The following DCLRE1C variants were observed in gnomAD, a reference collection of about 807,000 sequenced individuals.
DCLRE1C encodes DNA cross-link repair 1C, also known as protein artemis.
In DCLRE1C, 47 loss-of-function variants were observed where a neutral mutation model predicts 61.4. That is an observed-to-expected ratio of 0.77 (90% CI 0.61 to 0.98). The LOEUF (loss-of-function observed/expected upper bound fraction) is 0.98, where lower values mean the gene tolerates loss of function less well. Ranked by LOEUF, DCLRE1C falls within the 50% of genes least tolerant of loss-of-function variation. The pLI is 0.00. For synonymous variants in DCLRE1C, 337 were observed against 287.6 expected (o/e 1.17, Z -1.74); for missense variants, 858 against 816.0 (o/e 1.05, Z -0.63).
At chr10:14,951,341 G>A (rs1173625170) in intron 1 of DCLRE1C, among the ~76,000 whole-genome samples, 3 of 132,020 alleles carry the variant, frequency 2.3e-5, no homozygotes, top group Non-Finnish European at 4.6e-5. Flanking sequence ...AGTGAGCCGA[G>A]ATCGCACCAC....
chr10:14,936,054 C>T (rs999436086), intron 5 of DCLRE1C, among the ~76,000 whole-genome samples: 27 of 152,118 alleles, frequency 1.8e-4, no homozygotes, highest in Admixed American at 7.2e-4. Context: ...CCACCACACC[C>T]GGCTAATGTT....
intron 1 of DCLRE1C, among the ~76,000 whole-genome samples, chr10:14,950,107 G>A (rs956052158): frequency 2.0e-5 from 3 of 152,044 alleles, no homozygotes; most frequent in Admixed American, 1.3e-4. Flanking sequence ...TTGGGAGGCC[G>A]AGGCAGGCGG....
At chr10:14,950,867 G>C (rs1464726897) in intron 1 of DCLRE1C, among the ~76,000 whole-genome samples, 1 of 152,168 alleles carries the variant, frequency 6.6e-6, no homozygotes, top group African/African-American at 2.4e-5. Context: ...TTTCCAGGGA[G>C]GTTTTCCTTT....
chr10:14,908,074 G>A lies in DCLRE1C; in HGVS notation c.*334C>T, dbSNP rs917865417. Reference sequence around the variant, plus strand: ...TTGCTCTGTCACCCAGACTAGAGGTGCAGTGGCACAGTCATGGCTCACTGC... The same window carrying A: ...TTGCTCTGTCACCCAGACTAGAGGTACAGTGGCACAGTCATGGCTCACTGC... On this transcript the variant is annotated 3_prime_UTR_variant, in exon 14 of 14. Coordinates refer to ENST00000378278, the MANE Select transcript of DCLRE1C (RefSeq NM_001033855.3). The A allele has an allele frequency of 4.0e-6, 1 of 252,520 alleles. No homozygotes were observed. The highest frequency in any genetic ancestry group is 2.4e-5 in the African/African-American group (1 of 42,406). 15.6% of individuals were successfully genotyped at this position (252,520 alleles called of 1,614,324 possible).
intron 1 of DCLRE1C, among the ~76,000 whole-genome samples, chr10:14,953,307 C>T (rs1842730533): frequency 6.6e-6 from 1 of 152,188 alleles, no homozygotes; most frequent in African/African-American, 2.4e-5. Context: ...ATCCCTAAAT[C>T]GGCCCAGCTG....
At position 14,908,742 on chromosome 10, in the gene DCLRE1C, A is replaced by T. The variant is rs767843282; in HGVS notation, c.1745T>A (p.Ile582Asn). 5 of 1,614,034 alleles carry T rather than the reference A, an allele frequency of 3.1e-6. No individual in the cohort carries two copies. The African/African-American group carries it at 6.7e-5, about 22-fold the overall frequency. ...GAGAGAGGCAGGAATATTCTCTTTGATTGTTGGTCTGTAGTCAGCTTTGTC... is the reference window on the plus strand; with the variant it reads ...GAGAGAGGCAGGAATATTCTCTTTGTTTGTTGGTCTGTAGTCAGCTTTGTC... ...SLDKADYRPTIKENIPASLME... is the reference protein window; with the variant it reads ...SLDKADYRPTNKENIPASLME... The change falls in exon 14 of 14, where the codon ATC (isoleucine) becomes AAC (asparagine). Residue 582 changes from isoleucine to asparagine, a missense_variant. This residue lies in a region of DCLRE1C where 843 missense variants were observed against 783.5 expected (regional missense o/e 1.08). Transcript: ENST00000378278.
chr10:14,935,857 C>T (rs189440529), intron 5 of DCLRE1C, among the ~76,000 whole-genome samples: 10 of 152,252 alleles, frequency 6.6e-5, no homozygotes, highest in South Asian at 4.1e-4. Context: ...GAGAAATACA[C>T]GTGATGATAA....
intron 12 of DCLRE1C, among the ~76,000 whole-genome samples, chr10:14,922,754 C>T (rs1048002691): frequency 3.9e-5 from 6 of 152,050 alleles, no homozygotes; most frequent in African/African-American, 1.2e-4. Flanking sequence ...TAGTAAGTGG[C>T]GGAGCTGGGT....
intron 2 of DCLRE1C, chr10:14,945,523 C>T: frequency 9.0e-7 from 1 of 1,112,008 alleles, no homozygotes; most frequent in Non-Finnish European, 1.1e-6. Context: ...GGTCCCTCAC[C>T]ATTGTTACTT....
Position 14,908,655 on chromosome 10 carries a change from T to C in DCLRE1C, c.1832A>G (p.Asp611Gly). ...TCCAGTACTAGGAACTATTGTCACA[T>C]CTTTATCTCTGCTTTTCAAATCAGA... ...TYSDLKSRDKDVTIVPSTGEP... is the reference protein window; with the variant it reads ...TYSDLKSRDKGVTIVPSTGEP... Residue 611 changes from aspartate (D) to glycine (G), a missense_variant, in exon 14 of 14, where the codon GAT becomes GGT. Physicochemically the swap from Asp to Gly is moderately conservative, Grantham distance 94. Transcript: ENST00000378278. 6.2e-7 allele frequency: 1 copy of C among 1,614,216 alleles called. No individual in the cohort carries two copies. The highest frequency in any genetic ancestry group is 8.5e-7 in the Non-Finnish European group (1 of 1,180,038).
chr10:14,939,906 T>C (rs766601184), intron 3 of DCLRE1C, 37 bp from the exon 4 acceptor site: 3 of 1,507,236 alleles, frequency 2.0e-6, no homozygotes, highest in South Asian at 2.4e-5. Context: ...TATATAGCAG[T>C]TTTTCATGGC....
intron 3 of DCLRE1C, among the ~76,000 whole-genome samples, chr10:14,940,556 G>A: frequency 6.6e-6 from 1 of 152,048 alleles, no homozygotes; most frequent in Admixed American, 6.6e-5. Flanking sequence ...CCAAAGTGCT[G>A]GGATTACAGG....
intron 3 of DCLRE1C, among the ~76,000 whole-genome samples, chr10:14,942,834 A>G (rs1454045882): frequency 2.6e-5 from 4 of 152,134 alleles, no homozygotes; most frequent in Non-Finnish European, 5.9e-5. Flanking sequence ...GCAGCTTAAG[A>G]GCAAACAGAA....
chr10:14,946,685 A>C (rs1172870695), intron 2 of DCLRE1C, among the ~76,000 whole-genome samples: 1 of 149,436 alleles, frequency 6.7e-6, no homozygotes, highest in African/African-American at 2.5e-5. Context: ...TTTTAGGGGG[A>C]GGGGAGCTCA....
At chr10:14,951,543 G>A (rs958791481) in intron 1 of DCLRE1C, among the ~76,000 whole-genome samples, 1 of 152,026 alleles carries the variant, frequency 6.6e-6, no homozygotes, top group African/African-American at 2.4e-5. Flanking sequence ...CACCAGCGCT[G>A]TAAGGAAAGG....
At chr10:14,939,932 T>C (rs1381070021) in intron 3 of DCLRE1C, 63 bp from the exon 4 acceptor site, 2 of 1,265,422 alleles carry the variant, frequency 1.6e-6, no homozygotes, top group African/African-American at 3.0e-5. Flanking sequence ...ATGCCTTTGC[T>C]GTCTGAAACA....
At chr10:14,938,171 A>G (rs181563614) in intron 4 of DCLRE1C, among the ~76,000 whole-genome samples, 27 of 152,258 alleles carry the variant, frequency 1.8e-4, no homozygotes, top group African/African-American at 6.5e-4. Flanking sequence ...ACAGGAAGAA[A>G]CATAAAAAAT....
At chr10:14,914,502 A>C (rs1835837852) in intron 13 of DCLRE1C, among the ~76,000 whole-genome samples, 1 of 152,236 alleles carries the variant, frequency 6.6e-6, no homozygotes, top group African/African-American at 2.4e-5. Flanking sequence ...AACATTGTCA[A>C]CTAACTTAGC....
rs185945547 is a variant in DCLRE1C at position 14,938,553 on chromosome 10, T to A, written c.306+1257A>T. 2.6e-5 allele frequency among the ~76,000 whole-genome samples: 4 copies of A among 151,978 alleles called. No individual in the cohort carries two copies. In the East Asian group the frequency reaches 7.8e-4, roughly 29 times the overall value. On this transcript the variant is annotated intron_variant, in intron 4 of 13. Transcript: ENST00000378278. The stretch of plus-strand genomic sequence containing the variant: ...CTATAATCAAGCAACAAAGCCAATA[T>A]TAACCAAAATAGGAAAATACCTACC...
Sources: allele counts gnomAD v4.1 joint callset (sites outside exome capture counted in the v4.1 genomes callset), GRCh38; gene constraint gnomAD v4.1.1; regional missense constraint gnomAD v4.1.1; transcripts MANE v1.5; gene names NCBI Gene and HGNC (gene_info 2026-07-23, HGNC 2026-07-21).